Variants in STRBP observed in about 807,000 individuals in gnomAD.
The protein encoded by STRBP is spermatid perinuclear RNA binding protein, also known as spermatid perinuclear RNA-binding protein.
In STRBP, 13 loss-of-function variants were observed where a neutral mutation model predicts 80.1. That is an observed-to-expected ratio of 0.16 (90% CI 0.11 to 0.26). The LOEUF (loss-of-function observed/expected upper bound fraction) is 0.26, where lower values mean the gene tolerates loss of function less well. Ranked by LOEUF, STRBP falls within the 10% of genes least tolerant of loss-of-function variation. The pLI is 1.00. For missense variants in STRBP, 485 were observed against 815.2 expected, an observed-to-expected ratio of 0.59 and a Z score of 4.93; for synonymous variants, 284 against 291.2, an observed-to-expected ratio of 0.98 and a Z score of 0.25.
At position 123,115,031 on chromosome 9, in the gene STRBP, C is replaced by T; in HGVS notation, c.*84+898G>A. 1 of 371,354 alleles carries T rather than the reference C, an allele frequency of 2.7e-6. No individual in the cohort carries two copies. The highest frequency in any genetic ancestry group is 3.6e-5 in the Admixed American group (1 of 28,078). 23.0% of individuals were successfully genotyped at this position (371,354 alleles called of 1,614,324 possible). Reference sequence around the variant, plus strand: ...CTGGTCCTTGGCTATCCAACTGTCCCAATCGACCCTCTGGAACTCACTATT... The same window carrying T: ...CTGGTCCTTGGCTATCCAACTGTCCTAATCGACCCTCTGGAACTCACTATT... On this transcript the variant is annotated intron_variant and NMD_transcript_variant, in intron 3 of 3. Coordinates refer to the STRBP transcript ENST00000471564. The surrounding 1 kb of genome is among the most constrained non-coding windows in gnomAD (Gnocchi z 5.0).
At chr9:123,166,160 A>G (rs1241342426) in intron 6 of STRBP, among the ~76,000 whole-genome samples, 1 of 152,216 alleles carries the variant, frequency 6.6e-6, no homozygotes. Context: ...TATTATTAGC[A>G]CTGCATAAAT....
chr9:123,170,820 A>G (rs2037976860), intron 5 of STRBP, among the ~76,000 whole-genome samples: 1 of 152,184 alleles, frequency 6.6e-6, no homozygotes, highest in Non-Finnish European at 1.5e-5. Context: ...ATGATTTAAA[A>G]TAAGTTACAC....
chr9:123,266,233 G>A (rs986590281), intron 1 of STRBP, among the ~76,000 whole-genome samples: 2 of 152,044 alleles, frequency 1.3e-5, no homozygotes, highest in African/African-American at 4.8e-5. Flanking sequence ...AATATGCTAG[G>A]ATGATACCCA....
downstream of STRBP, among the ~76,000 whole-genome samples, chr9:123,118,819 G>C (rs1467602777): frequency 6.6e-6 from 1 of 152,196 alleles, no homozygotes; most frequent in Admixed American, 6.5e-5. Flanking sequence ...AGCCAAGGAT[G>C]CATCTGACCA....
intron 4 of STRBP, among the ~76,000 whole-genome samples, chr9:123,177,651 C>T (rs925931617): frequency 2.2e-4 from 33 of 152,186 alleles, no homozygotes; most frequent in African/African-American, 7.7e-4. Flanking sequence ...TCACAGACCT[C>T]ATCCAGTTAA....
intron 2 of STRBP, among the ~76,000 whole-genome samples, chr9:123,219,579 T>C (rs1168476069): frequency 6.6e-6 from 1 of 152,248 alleles, no homozygotes; most frequent in Non-Finnish European, 1.5e-5. Flanking sequence ...CCTCAGTTCA[T>C]AGCAAAGTTA....
intron 9 of STRBP, 74 bp from the exon 10 acceptor site, chr9:123,158,503 T>G: frequency 1.6e-6 from 2 of 1,286,072 alleles, no homozygotes; most frequent in Non-Finnish European, 1.1e-6. Flanking sequence ...AAAAGAGAGA[T>G]GGCTGGGGAG....
intron 1 of STRBP, among the ~76,000 whole-genome samples, chr9:123,262,862 G>C (rs111321721): frequency 2.0e-5 from 3 of 152,154 alleles, no homozygotes; most frequent in African/African-American, 7.2e-5. Flanking sequence ...ACTATTCAAT[G>C]CAAGAACTAA....
chr9:123,125,664 T>C lies in STRBP; in HGVS notation c.1952A>G (p.Lys651Arg). The C allele has an allele frequency of 6.2e-7, 1 of 1,612,964 alleles. No individual in the cohort carries two copies. The highest frequency in any genetic ancestry group is 8.5e-7 in the Non-Finnish European group (1 of 1,179,486). Residue 651 changes from lysine to arginine, a missense_variant, in exon 19 of 19, where the codon AAG becomes AGG. Transcript: ENST00000348403. Reference sequence around the variant, plus strand: ...CATAACGGGTAACAGAACCATTCTCTTGGGTAAACCTACAGAGAAAAGAAA... The same window carrying C: ...CATAACGGGTAACAGAACCATTCTCCTGGGTAAACCTACAGAGAAAAGAAA... ...STAAPAYGLP[K>R]RMVLLPVMKF...
At chr9:123,163,014 GACTA>G (rs1419704266) in intron 6 of STRBP, among the ~76,000 whole-genome samples, 1 of 152,102 alleles carries the variant, frequency 6.6e-6, no homozygotes, top group East Asian at 1.9e-4. Context: ...AACAAAGGTT[GACTA>G]ACTACTAAGT....
At position 123,126,770 on chromosome 9, in the gene STRBP, A is replaced by C. The variant is rs980742892; in HGVS notation, c.1943-1097T>G. ...GCAGATGTTTTGGCACTTATACAAG[A>C]CATAGTACAGTGAGTCTAGTGAGCC... On this transcript the variant is annotated intron_variant, in intron 18 of 18. Coordinates refer to ENST00000348403, the MANE Select transcript of STRBP (RefSeq NM_018387.5). This position sits in a 1 kb window ranked among gnomAD's most constrained non-coding sequence, Gnocchi z 4.4. Among the ~76,000 whole-genome samples, 39 of 152,354 alleles carry C rather than the reference A, an allele frequency of 2.6e-4. No individual in the cohort carries two copies. The highest frequency in any genetic ancestry group is 3.4e-3 in the Middle Eastern group (1 of 294).
At chr9:123,145,641 A>G (rs982799867) in intron 13 of STRBP, among the ~76,000 whole-genome samples, 9 of 152,172 alleles carry the variant, frequency 5.9e-5, no homozygotes, top group East Asian at 1.9e-4. Flanking sequence ...AGTGAATTGT[A>G]TATTTCACAA....
In STRBP at chr9:123,115,313, T is replaced by A; in HGVS notation, c.*84+616A>T. 2.1e-6 allele frequency: 1 copy of A among 471,166 alleles called. No individual in the cohort carries two copies. The highest frequency in any genetic ancestry group is 4.4e-6 in the Non-Finnish European group (1 of 227,046). The allele number at this position is 471,166 out of a possible 1,614,324, so 29.2% of individuals were successfully genotyped here. On this transcript the variant is annotated intron_variant and NMD_transcript_variant, in intron 3 of 3. Transcript: ENST00000471564. The surrounding 1 kb of genome is among the most constrained non-coding windows in gnomAD (Gnocchi z 5.0). The stretch of plus-strand genomic sequence containing the variant: ...AATTACTCAGTAAGCACTTCTCTCC[T>A]GAGGCCTGGCTCCTCTCCTGCCCTC...
At chr9:123,138,969 A>G (rs145121068) in intron 14 of STRBP, among the ~76,000 whole-genome samples, 1 of 152,334 alleles carries the variant, frequency 6.6e-6, no homozygotes, top group East Asian at 1.9e-4. Context: ...TGTACTGTGT[A>G]TACTCAGTAC....
chr9:123,146,426 G>A lies in STRBP; in HGVS notation c.1338+429C>T, dbSNP rs1200963637. 2.7e-5 allele frequency among the ~76,000 whole-genome samples: 4 copies of A among 150,204 alleles called. No individual in the cohort carries two copies. In the East Asian group the frequency reaches 5.8e-4, roughly 22 times the overall value. On this transcript the variant is annotated intron_variant, in intron 13 of 18. Transcript: ENST00000348403. The stretch of plus-strand genomic sequence containing the variant: ...TTTCCCGTAGCATGTTAATCGTACC[G>A]CCATTAAAAATTATTTATGAAGATT...
At chr9:123,180,787 A>G (rs2038425517) in intron 3 of STRBP, 1 of 396,720 alleles carries the variant, frequency 2.5e-6, no homozygotes, top group Admixed American at 6.4e-5. Context: ...TACACAGCAA[A>G]ATGAACAAGG....
chr9:123,153,890 A>G (rs1011119458), intron 11 of STRBP, among the ~76,000 whole-genome samples: 1 of 152,210 alleles, frequency 6.6e-6, no homozygotes, highest in Non-Finnish European at 1.5e-5. Context: ...ACCCTAGGAC[A>G]CTTTAACATT....
intron 2 of STRBP, among the ~76,000 whole-genome samples, chr9:123,219,463 G>T (rs1020622338): frequency 2.6e-5 from 4 of 152,124 alleles, no homozygotes; most frequent in Non-Finnish European, 5.9e-5. Flanking sequence ...CACCATTTTA[G>T]CTATTAATCA....
rs1229193105 is a variant in STRBP, at chr9:123,115,350, T to C, written c.*84+579A>G. 1 of 471,034 alleles carries C rather than the reference T, an allele frequency of 2.1e-6. No homozygotes were observed. The highest frequency in any genetic ancestry group is 1.5e-5 in the South Asian group (1 of 64,554). 29.2% of individuals were successfully genotyped at this position (471,034 alleles called of 1,614,324 possible). On this transcript the variant is annotated intron_variant and NMD_transcript_variant, in intron 3 of 3. Transcript: ENST00000471564. The surrounding 1 kb of genome is among the most constrained non-coding windows in gnomAD (Gnocchi z 5.0). ...CCTCTCCTGCCCTCGGCGGGAGACC[T>C]GGGAACGGGCCTGCCAGCGCCCAGC...
Sources: allele counts gnomAD v4.1 joint callset (sites outside exome capture counted in the v4.1 genomes callset), GRCh38; gene constraint gnomAD v4.1.1; non-coding constraint Gnocchi (gnomAD v3.1); transcripts MANE v1.5; gene names NCBI Gene and HGNC (gene_info 2026-07-23, HGNC 2026-07-21).